The following UNC5C variants were observed in gnomAD, a reference collection of about 807,000 sequenced individuals.
UNC5C encodes netrin receptor UNC5C.
UNC5C carries 47 observed loss-of-function variants against 99.8 expected under a neutral mutation model. The observed-to-expected ratio is 0.47, with a 90% CI of 0.37 to 0.60. UNC5C has a LOEUF of 0.60. Among genes scored for constraint, UNC5C ranks in the 20% least tolerant of loss-of-function variants. UNC5C has a pLI of 0.00. For missense variants in UNC5C, 1,062 were observed against 1,165.9 expected (o/e 0.91, Z 1.30); for synonymous variants, 487 against 452.2 (o/e 1.08, Z -0.98).
chr4:95,203,925 A>G (rs1179328896), intron 11 of UNC5C, among the ~76,000 whole-genome samples: 1 of 151,374 alleles, frequency 6.6e-6, no homozygotes, highest in Non-Finnish European at 1.5e-5. Context: ...ATGGCTGAGC[A>G]GAGGATTGGC....
At chr4:95,462,258 G>A (rs980091737) in intron 1 of UNC5C, among the ~76,000 whole-genome samples, 1 of 152,046 alleles carries the variant, frequency 6.6e-6, no homozygotes, top group Non-Finnish European at 1.5e-5. Flanking sequence ...ACAGTAAATA[G>A]TTATAAATGT....
intron 1 of UNC5C, among the ~76,000 whole-genome samples, chr4:95,544,950 T>C (rs1723018520): frequency 6.6e-6 from 1 of 152,222 alleles, no homozygotes; most frequent in Admixed American, 6.5e-5. Context: ...TAAACGCAGT[T>C]AAGGCCTAAT....
chr4:95,395,093 C>T (rs911604279), intron 1 of UNC5C, among the ~76,000 whole-genome samples: 2 of 152,188 alleles, frequency 1.3e-5, no homozygotes, highest in African/African-American at 4.8e-5. Flanking sequence ...TGGTGGAGCT[C>T]TCCATGGTGG....
chr4:95,346,372 A>G (rs1240331233), intron 1 of UNC5C, among the ~76,000 whole-genome samples: 1 of 151,962 alleles, frequency 6.6e-6, no homozygotes, highest in Middle Eastern at 3.2e-3. Context: ...ACTAATACCA[A>G]TCCTCTCAAA....
chr4:95,365,922 C>T (rs1744549075), intron 1 of UNC5C, among the ~76,000 whole-genome samples: 1 of 147,030 alleles, frequency 6.8e-6, no homozygotes, highest in African/African-American at 2.6e-5. Context: ...TTTCTCTGCT[C>T]TAAAGAATTT....
At chr4:95,189,822 T>A (rs1190624280) in intron 12 of UNC5C, among the ~76,000 whole-genome samples, 4 of 152,144 alleles carry the variant, frequency 2.6e-5, no homozygotes, top group African/African-American at 7.2e-5. Context: ...AATGGTGATC[T>A]TTAAAAAGTC....
intron 10 of UNC5C, among the ~76,000 whole-genome samples, chr4:95,208,048 C>T (rs1371958565): frequency 6.6e-6 from 1 of 152,128 alleles, no homozygotes; most frequent in Non-Finnish European, 1.5e-5. Context: ...CAGATCTCTC[C>T]TCGGGTTTCT....
At chr4:95,278,159 C>T (rs775193892) in intron 4 of UNC5C, 100 bp downstream of exon 4, 4 of 972,724 alleles carry the variant, frequency 4.1e-6, no homozygotes, top group Non-Finnish European at 6.4e-6. Flanking sequence ...AACCATTCAT[C>T]ATGCCATACC....
intron 1 of UNC5C, among the ~76,000 whole-genome samples, chr4:95,507,773 C>T (rs1578200622): frequency 1.3e-5 from 2 of 152,016 alleles, no homozygotes; most frequent in African/African-American, 2.4e-5. Flanking sequence ...TCAGACTCAT[C>T]GTCTTCCCCT....
At chr4:95,195,230 G>A (rs1372656918) in intron 12 of UNC5C, among the ~76,000 whole-genome samples, 1 of 152,164 alleles carries the variant, frequency 6.6e-6, no homozygotes, top group East Asian at 1.9e-4. Context: ...GTCCTAAGAG[G>A]TCAAATTCAG....
intron 1 of UNC5C, among the ~76,000 whole-genome samples, chr4:95,432,463 T>C (rs1342602994): frequency 6.6e-6 from 1 of 152,148 alleles, no homozygotes; most frequent in African/African-American, 2.4e-5. Flanking sequence ...TATTTCTTTA[T>C]GTGAGTCAAA....
chr4:95,455,473 T>C (rs1747401431), intron 1 of UNC5C, among the ~76,000 whole-genome samples: 1 of 151,926 alleles, frequency 6.6e-6, no homozygotes, highest in East Asian at 1.9e-4. Flanking sequence ...GAGACCAGCC[T>C]GGGCAAAGTA....
chr4:95,485,791 A>G (rs561225398), intron 1 of UNC5C, among the ~76,000 whole-genome samples: 5 of 151,846 alleles, frequency 3.3e-5, no homozygotes, highest in African/African-American at 4.8e-5. Context: ...AAAATGGTCA[A>G]GCCTATCAGG....
chr4:95,455,879 A>G (rs1434690443), intron 1 of UNC5C, among the ~76,000 whole-genome samples: 1 of 152,140 alleles, frequency 6.6e-6, no homozygotes, highest in East Asian at 1.9e-4. Flanking sequence ...CACTCAGGTA[A>G]CAAGTATGTT....
At chr4:95,450,483 G>A (rs569255562) in intron 1 of UNC5C, among the ~76,000 whole-genome samples, 1 of 152,208 alleles carries the variant, frequency 6.6e-6, no homozygotes, top group Non-Finnish European at 1.5e-5. Flanking sequence ...CAGCATTACA[G>A]GCATAAGCCA....
Position 95,531,876 on chromosome 4 carries a change from C to A in UNC5C, c.124+16858G>T, listed in dbSNP as rs142080444. Among the ~76,000 whole-genome samples the A allele has an allele frequency of 2.0e-3, 309 of 152,248 alleles. 3 individuals are homozygous for A. The East Asian group carries it at 0.042, about 21-fold the overall frequency. On this transcript the variant is annotated intron_variant, in intron 1 of 15. Transcript: ENST00000453304. The stretch of plus-strand genomic sequence containing the variant: ...AGGGTGATTTTTGGCACAACAATAA[C>A]CCCAATATAGAACAAAATTTCATCA...
intron 4 of UNC5C, among the ~76,000 whole-genome samples, chr4:95,271,962 C>A (rs1740681608): frequency 6.6e-6 from 1 of 152,132 alleles, no homozygotes; most frequent in African/African-American, 2.4e-5. Context: ...GGGTACTTGT[C>A]CTTGTTGCTC....
intron 7 of UNC5C, among the ~76,000 whole-genome samples, chr4:95,228,516 G>T (rs1359152924): frequency 1.3e-5 from 2 of 152,154 alleles, no homozygotes; most frequent in African/African-American, 4.8e-5. Context: ...TCATTGATTG[G>T]AACTCCCTAA....
At position 95,250,643 on chromosome 4, in the gene UNC5C, T is replaced by A. The variant is rs373052449; in HGVS notation, c.619A>T (p.Ile207Leu). The part of the protein sequence containing the change: ...AEVEWLKNED[I>L]IDPVEDRNFY... ...TTCCGATCTTCAACGGGATCAATTA[T>A]GTCTTCATTTTTCAACCATTCCACC... Residue 207 changes from isoleucine (I) to leucine (L), a missense_variant, in exon 5 of 16, where the codon ATA (isoleucine) becomes TTA (leucine). Around this residue, in one of 3 missense-constraint regions of UNC5C, gnomAD observed 249 missense variants for 295.1 expected, o/e 0.84. Transcript: ENST00000453304. The A allele has an allele frequency of 1.4e-5, 23 of 1,613,764 alleles. No individual in the cohort carries two copies. Among genetic ancestry groups the A allele is most frequent in the Non-Finnish European group, 1.8e-5 (21 of 1,179,928 alleles).
Sources: allele counts gnomAD v4.1 joint callset (sites outside exome capture counted in the v4.1 genomes callset), GRCh38; gene constraint gnomAD v4.1.1; regional missense constraint gnomAD v4.1.1; transcripts MANE v1.5; gene names NCBI Gene and HGNC (gene_info 2026-07-23, HGNC 2026-07-21).